The following RHOT1 variants were observed in gnomAD, a reference collection of about 807,000 sequenced individuals.
RHOT1 encodes the protein mitochondrial Rho GTPase 1.
A neutral mutation model predicts 95.3 loss-of-function variants in RHOT1; 27 were observed. The ratio of observed to expected loss-of-function variants is 0.28; its 90% confidence interval spans 0.21 to 0.39. The LOEUF (loss-of-function observed/expected upper bound fraction) is 0.39. Ranked by LOEUF, RHOT1 falls within the 10% of genes least tolerant of loss-of-function variation. The probability of loss-of-function intolerance (pLI) is 1.00; values close to 1 mark genes in which losing one functional copy is unlikely to be tolerated. For synonymous variants in RHOT1, 227 were observed against 263.5 expected, an observed-to-expected ratio of 0.86 and a Z score of 1.34; for missense variants, 578 against 786.7, an observed-to-expected ratio of 0.73 and a Z score of 3.17.
chr17:32,190,434 G>A (rs763871153), intron 8 of RHOT1, among the ~76,000 whole-genome samples: 3 of 151,818 alleles, frequency 2.0e-5, no homozygotes, highest in Non-Finnish European at 4.4e-5. Flanking sequence ...CAGCCTAGGC[G>A]ACAGAGCAAG....
chr17:32,202,946 GT>G, intron 15 of RHOT1, 46 bp downstream of exon 15: 1 of 1,579,122 alleles, frequency 6.3e-7, no homozygotes, highest in South Asian at 1.1e-5. Context: ...AATTTTTATA[GT>G]TACTAGTTTA....
At chr17:32,196,905 C>T (rs145382080) in intron 11 of RHOT1, among the ~76,000 whole-genome samples, 2,515 of 152,036 alleles carry the variant, frequency 0.017, 34 homozygotes, top group Non-Finnish European at 0.029. Context: ...GGGTGAATCA[C>T]GAGGTCAGGA....
chr17:32,142,799 G>A, intron 1 of RHOT1, 70 bp downstream of exon 1: 3 of 1,338,538 alleles, frequency 2.2e-6, no homozygotes, highest in Non-Finnish European at 3.0e-6. Context: ...TGTCGCCCCT[G>A]TCGCCCCTGC....
In RHOT1 at chr17:32,193,122, A is replaced by G. The variant is rs1439706042; in HGVS notation, c.640-14A>G. On this transcript the variant is annotated splice_polypyrimidine_tract_variant and intron_variant, in intron 9 of 19. Transcript: ENST00000545287. The stretch of plus-strand genomic sequence containing the variant: ...CTGGTTTGTTTTTAAATATATTTTT[A>G]TGTTTTTTGCTAGAGGATTTGTTTC... The G allele has an allele frequency of 1.3e-5, 19 of 1,506,778 alleles. No individual in the cohort carries two copies. The highest frequency in any genetic ancestry group is 1.6e-5 in the Non-Finnish European group (18 of 1,091,642). 93.3% of individuals were successfully genotyped at this position (1,506,778 alleles called of 1,614,324 possible).
At chr17:32,206,853 A>G in intron 16 of RHOT1, 57 bp from the exon 17 acceptor site, 1 of 1,229,186 alleles carries the variant, frequency 8.1e-7, no homozygotes, top group East Asian at 2.6e-5. Context: ...AGCTATCATG[A>G]CTTAATATAT....
chr17:32,166,635 G>A (rs1482379204), intron 1 of RHOT1, among the ~76,000 whole-genome samples: 1 of 152,078 alleles, frequency 6.6e-6, no homozygotes, highest in African/African-American at 2.4e-5. Flanking sequence ...TTTCAATATT[G>A]CTCACAGCAT....
At chr17:32,155,435 C>G (rs2032855930) in intron 1 of RHOT1, among the ~76,000 whole-genome samples, 1 of 151,862 alleles carries the variant, frequency 6.6e-6, no homozygotes, top group Admixed American at 6.6e-5. Flanking sequence ...GCTGGGATTA[C>G]AGGTTTGAGC....
chr17:32,182,060 A>C (rs2035680131), intron 6 of RHOT1, among the ~76,000 whole-genome samples: 1 of 152,126 alleles, frequency 6.6e-6, no homozygotes. Flanking sequence ...TCACCTTTAC[A>C]TAGGGAGTTT....
chr17:32,168,590 C>T (rs1403175994), intron 1 of RHOT1, among the ~76,000 whole-genome samples: 5 of 149,832 alleles, frequency 3.3e-5, no homozygotes, highest in Non-Finnish European at 7.4e-5. Flanking sequence ...TATACACACA[C>T]ACAAACACAT....
intron 1 of RHOT1, chr17:32,159,885 C>G (rs1221189939): frequency 2.6e-5 from 4 of 152,372 alleles, no homozygotes; most frequent in African/African-American, 2.4e-5. Flanking sequence ...CACCTTCAGG[C>G]TGGGAGGGCC....
At chr17:32,221,006 C>T in intron 19 of RHOT1, 2 of 865,618 alleles carry the variant, frequency 2.3e-6, no homozygotes, top group Non-Finnish European at 2.8e-6. Flanking sequence ...ATGATATTTT[C>T]TATAAGTCAT....
chr17:32,217,753 C>CA (rs1165768131), intron 19 of RHOT1, among the ~76,000 whole-genome samples: 249 of 102,342 alleles, frequency 2.4e-3, no homozygotes, highest in African/African-American at 6.5e-3. Context: ...GACTCCATCT[C>CA]AAAAAAAAAA....
intron 19 of RHOT1, among the ~76,000 whole-genome samples, chr17:32,212,712 C>A (rs1283380003): frequency 1.3e-5 from 2 of 151,954 alleles, no homozygotes; most frequent in African/African-American, 4.8e-5. Context: ...AACTTTCTCT[C>A]TTTAGTTTTA....
chr17:32,178,426 G>C (rs1006631230), intron 6 of RHOT1, among the ~76,000 whole-genome samples: 1 of 152,014 alleles, frequency 6.6e-6, no homozygotes, highest in South Asian at 2.1e-4. Context: ...TCCTGGCCTC[G>C]GGTGATCTGC....
intron 1 of RHOT1, among the ~76,000 whole-genome samples, chr17:32,154,958 C>T (rs1306936233): frequency 4.0e-5 from 6 of 150,794 alleles, no homozygotes. Context: ...GTGGTGTGTG[C>T]CTGTGGTCCC....
intron 1 of RHOT1, among the ~76,000 whole-genome samples, chr17:32,153,268 T>G (rs2032547247): frequency 6.6e-6 from 1 of 152,224 alleles, no homozygotes; most frequent in Non-Finnish European, 1.5e-5. Context: ...TAGGCACATT[T>G]CTTATGGACC....
At position 32,211,256 on chromosome 17, in the gene RHOT1, C is replaced by T; in HGVS notation, c.1862+18C>T. 6.3e-7 allele frequency: 1 copy of T among 1,591,430 alleles called. No individual in the cohort carries two copies. Among genetic ancestry groups the T allele is most frequent in the African/African-American group, 1.3e-5 (1 of 74,646 alleles). ...CTTAACAGGTTCTTAACTTTATTTA[C>T]TGGGTACCAGGCATTCTGTTAAAAT... is the stretch of plus-strand genomic sequence containing the variant. On this transcript the variant is annotated intron_variant, in intron 19 of 19. Transcript: ENST00000545287.
chr17:32,156,148 T>C (rs2032942364), intron 1 of RHOT1, among the ~76,000 whole-genome samples: 1 of 152,258 alleles, frequency 6.6e-6, no homozygotes, highest in African/African-American at 2.4e-5. Context: ...TCTACTTTGT[T>C]CTTGTAGCTA....
chr17:32,185,179 CTG>C (rs2035942423), intron 8 of RHOT1, among the ~76,000 whole-genome samples: 3 of 152,070 alleles, frequency 2.0e-5, no homozygotes, highest in Admixed American at 2.0e-4. Flanking sequence ...GGTGCGATCT[CTG>C]TGCACCACAA....
Sources: gnomAD v4.1 joint callset for allele counts (sites outside exome capture counted in the v4.1 genomes callset) on GRCh38, gnomAD v4.1.1 for gene constraint, MANE v1.5 for transcripts, NCBI Gene and HGNC (gene_info 2026-07-23, HGNC 2026-07-21) for gene names.